The following NDRG2 variants were observed in gnomAD, a reference collection of about 807,000 sequenced individuals.
The protein encoded by NDRG2 is NDRG family member 2, also known as protein NDRG2.
In NDRG2, 34 loss-of-function variants were observed where a neutral mutation model predicts 58.2. The ratio of observed to expected loss-of-function variants is 0.58; its 90% CI spans 0.44 to 0.78. The LOEUF (loss-of-function observed/expected upper bound fraction) is 0.78, where lower values mean the gene tolerates loss of function less well. NDRG2 is among the 30% of genes least tolerant of loss of function. The pLI is 0.00. For synonymous variants in NDRG2, 187 were observed against 175.9 expected, an observed-to-expected ratio of 1.06 and a Z score of -0.50; for missense variants, 434 against 471.2, an observed-to-expected ratio of 0.92 and a Z score of 0.73.
chr14:21,024,802 T>G lies in NDRG2; in HGVS notation c.-779A>C. 1.0e-6 allele frequency: 1 copy of G among 985,710 alleles called. No individual in the cohort carries two copies. The highest frequency in any genetic ancestry group is 1.2e-6 in the Non-Finnish European group (1 of 830,148). The allele number at this position is 985,710 out of a possible 1,614,324, so 61.1% of individuals were successfully genotyped here. On this transcript the variant is annotated 5_prime_UTR_variant, in exon 1 of 16. Transcript: ENST00000556147. ...CCGCGTGGAGACTGACACCCTTGCG[T>G]GGCCGGTGCCAAGCGCCCCGGACCT...
At chr14:21,030,726 G>T (rs1006960037), upstream of NDRG2, 13 of 1,614,160 alleles carry the variant, frequency 8.1e-6, no homozygotes, top group Non-Finnish European at 1.0e-5. Context: ...CACCTCCACG[G>T]ACGTGGACAT....
intron 1 of NDRG2, among the ~76,000 whole-genome samples, chr14:21,040,701 G>C (rs993549168): frequency 1.3e-5 from 2 of 152,162 alleles, no homozygotes; most frequent in Non-Finnish European, 2.9e-5. Context: ...AACACCTCAG[G>C]CATCTGTCTG....
rs1879187947 is a variant in NDRG2 at position 21,019,981 on chromosome 14, G to A, written c.556-5C>T. Reference sequence around the variant, plus strand: ...GGAAGAGGTGAGGCCTGTTAGCTATGAGGAGAAGGCAGGTGAGAAAGTTCA... The same window carrying A: ...GGAAGAGGTGAGGCCTGTTAGCTATAAGGAGAAGGCAGGTGAGAAAGTTCA... On this transcript the variant is annotated splice_region_variant and splice_polypyrimidine_tract_variant and intron_variant, in intron 8 of 15. Coordinates refer to ENST00000556147, the MANE Select transcript of NDRG2 (RefSeq NM_001320329.2). 2 of 1,613,382 alleles carry A rather than the reference G, an allele frequency of 1.2e-6. No individual in the cohort carries two copies. The highest frequency in any genetic ancestry group is 8.5e-7 in the Non-Finnish European group (1 of 1,179,824).
rs1204211386 is a variant in NDRG2 at position 21,024,557 on chromosome 14, A to G, written c.-534T>C. On this transcript the variant is annotated 5_prime_UTR_variant, in exon 1 of 16. Coordinates refer to ENST00000556147, the MANE Select transcript of NDRG2 (RefSeq NM_001320329.2). ...GGCTGTTTCCCTCCACAATTTAAAA[A>G]CAAACACAAAGATTGGTGCCGTCGC... 1 of 985,348 alleles carries G rather than the reference A, an allele frequency of 1.0e-6. No homozygotes were observed. The highest frequency in any genetic ancestry group is 1.7e-5 in the African/African-American group (1 of 57,228). The allele number at this position is 985,348 out of a possible 1,614,324, so 61.0% of individuals were successfully genotyped here. A position where few individuals can be genotyped will look rare whatever the true frequency, so the allele number is the denominator to read the frequency against.
At chr14:21,066,797 G>A (rs900847841) in intron 1 of NDRG2, among the ~76,000 whole-genome samples, 1 of 152,180 alleles carries the variant, frequency 6.6e-6, no homozygotes, top group Non-Finnish European at 1.5e-5. Flanking sequence ...AAGACAAGTT[G>A]TTAATTTTTG....
chr14:21,062,421 TC>T (rs1164324045), intron 1 of NDRG2, among the ~76,000 whole-genome samples: 1 of 152,194 alleles, frequency 6.6e-6, no homozygotes, highest in Non-Finnish European at 1.5e-5. Context: ...CTCAGCATTC[TC>T]CTCCCTCTGC....
At position 21,045,911 on chromosome 14, in the gene NDRG2, A is replaced by G. The variant is rs1054736163; in HGVS notation, c.25-22590T>C. 2.6e-5 allele frequency among the ~76,000 whole-genome samples: 4 copies of G among 152,300 alleles called. No individual in the cohort carries two copies. In the East Asian group the frequency reaches 7.7e-4, roughly 29 times the overall value. ...GAAATATTCTATTCTTGGTCTGGAT[A>G]TGTTTCCTATGTGAAAGCTCATTGA... On this transcript the variant is annotated intron_variant, in intron 1 of 14. Transcript: ENST00000403829.
intron 1 of NDRG2, chr14:21,032,062 TAAG>T (rs1248715544): frequency 6.8e-6 from 11 of 1,613,570 alleles, no homozygotes; most frequent in Non-Finnish European, 9.3e-6. Flanking sequence ...GCACCTACGA[TAAG>T]AAGACCAAGT....
intron 1 of NDRG2, chr14:21,043,128 C>T: frequency 6.2e-7 from 1 of 1,614,174 alleles, no homozygotes; most frequent in Non-Finnish European, 8.5e-7. Flanking sequence ...GCACATGCAG[C>T]CCAGCCCTCA....
chr14:21,017,895 T>C (rs1243444), intron 15 of NDRG2, 92 bp downstream of exon 15: 457,826 of 1,605,686 alleles, frequency 0.29, 66,260 homozygotes, highest in Admixed American at 0.34. Flanking sequence ...ATTGGGCAGA[T>C]AGCGGTGAGT....
At chr14:21,025,556 C>A (rs1883445815), upstream of NDRG2, 10 of 985,438 alleles carry the variant, frequency 1.0e-5, no homozygotes, top group South Asian at 3.8e-4. The surrounding 1 kb of genome is among the most constrained non-coding windows in gnomAD (Gnocchi z 5.1). Context: ...GGCGGGACCG[C>A]CGCTGAGGAG....
chr14:21,024,674 G>A lies in NDRG2; in HGVS notation c.-651C>T. The A allele has an allele frequency of 1.0e-6, 1 of 985,484 alleles. No individual in the cohort carries two copies. The highest frequency in any genetic ancestry group is 1.2e-6 in the Non-Finnish European group (1 of 829,996). 61.0% of individuals were successfully genotyped at this position (985,484 alleles called of 1,614,324 possible). ...CAATCTTCTCCCGTTCTCCCCCGAC[G>A]GCCCGCGAAGGCAAGCGCCATCGGG... On this transcript the variant is annotated 5_prime_UTR_variant, in exon 1 of 16. Coordinates refer to ENST00000556147, the MANE Select transcript of NDRG2 (RefSeq NM_001320329.2).
rs747152312 is a variant in NDRG2, at chr14:21,022,897, C to G, written c.84G>C (p.Glu28Asp). The change falls in exon 3 of 16, where the codon GAG becomes GAC. Residue 28 changes from glutamate to aspartate, a missense_variant. Transcript: ENST00000556147. ...GQTPEAAKEAELAARILLDQG... is the reference protein window; with the variant it reads ...GQTPEAAKEADLAARILLDQG... The stretch of plus-strand genomic sequence containing the variant: ...GGTCCAGGAGGATTCGGGCAGCTAA[C>G]TCAGCCTCCTGGAGAGACACACACG... 1.9e-6 allele frequency: 3 copies of G among 1,614,108 alleles called. No individual in the cohort carries two copies. Among genetic ancestry groups the G allele is most frequent in the Non-Finnish European group, 2.5e-6 (3 of 1,179,992 alleles).
intron 10 of NDRG2, 53 bp from the exon 11 acceptor site, chr14:21,019,213 A>C: frequency 6.9e-7 from 1 of 1,457,112 alleles, no homozygotes; most frequent in African/African-American, 1.4e-5. Flanking sequence ...CTATCTAACC[A>C]GATATAAGCT....
At chr14:21,025,089 G>C (rs977752865), upstream of NDRG2, 139 of 985,640 alleles carry the variant, frequency 1.4e-4, no homozygotes, top group Non-Finnish European at 1.6e-4. This position sits in a 1 kb window ranked among gnomAD's most constrained non-coding sequence, Gnocchi z 5.1. Context: ...GCCCCGGCTC[G>C]GGCTTCCCGC....
chr14:21,047,421 C>G (rs898918403), intron 1 of NDRG2, among the ~76,000 whole-genome samples: 1 of 152,120 alleles, frequency 6.6e-6, no homozygotes, highest in Non-Finnish European at 1.5e-5. Context: ...GTCACTCAAT[C>G]CTTCGTGTGA....
chr14:21,025,238 G>T (rs1183697882), upstream of NDRG2: 5 of 841,756 alleles, frequency 5.9e-6, no homozygotes, highest in South Asian at 1.6e-4. This position sits in a 1 kb window ranked among gnomAD's most constrained non-coding sequence, Gnocchi z 5.1. Flanking sequence ...GGGGCCGGGG[G>T]GCGAGGGGCG....
chr14:21,067,624 G>A (rs894992840), intron 1 of NDRG2, among the ~76,000 whole-genome samples: 2 of 152,150 alleles, frequency 1.3e-5, no homozygotes, highest in Non-Finnish European at 2.9e-5. Context: ...GTGAAATATG[G>A]TAAGAACTGT....
rs1346325131 is a variant in NDRG2 at position 21,070,087 on chromosome 14, C to G, written c.24+741G>C. ...CGGGGCGGAGAAGAAAGAAGGTTGC[C>G]GGTGAACGGGACGGATAGGCTGGGG... On this transcript the variant is annotated intron_variant, in intron 1 of 14. Transcript: ENST00000403829. This position sits in a 1 kb window ranked among gnomAD's most constrained non-coding sequence, Gnocchi z 4.7. 3.3e-5 allele frequency among the ~76,000 whole-genome samples: 5 copies of G among 151,872 alleles called. No individual in the cohort carries two copies. In the East Asian group the frequency reaches 7.8e-4, roughly 24 times the overall value.
Sources: gnomAD v4.1 joint callset for allele counts (sites outside exome capture counted in the v4.1 genomes callset) on GRCh38, gnomAD v4.1.1 for gene constraint, Gnocchi (gnomAD v3.1) non-coding constraint, MANE v1.5 for transcripts, NCBI Gene and HGNC (gene_info 2026-07-23, HGNC 2026-07-21) for gene names.